IGFN1: variants seen among roughly 807,000 people sequenced by gnomAD.
IGFN1 encodes immunoglobulin like and fibronectin type III domain containing 1, also known as immunoglobulin-like and fibronectin type III domain-containing protein 1.
In IGFN1, 253 loss-of-function variants were observed where a neutral mutation model predicts 289.5. The observed-to-expected ratio is 0.87, with a 90% CI of 0.79 to 0.97. The LOEUF is 0.97. Ranked by LOEUF, IGFN1 falls within the 50% of genes least tolerant of loss-of-function variation. The probability of loss-of-function intolerance (pLI) is 0.00; values close to 1 mark genes in which losing one functional copy is unlikely to be tolerated. For missense variants in IGFN1, 4,470 were observed against 4,686.1 expected, an observed-to-expected ratio of 0.95 and a Z score of 1.35; for synonymous variants, 1,706 against 1,788.5, an observed-to-expected ratio of 0.95 and a Z score of 1.16.
rs915656906 is a variant in IGFN1, at chr1:201,206,071, C to T, written c.1190-12C>T. 9.3e-6 allele frequency: 14 copies of T among 1,510,284 alleles called. No homozygotes were observed. Among genetic ancestry groups the T allele is most frequent in the Non-Finnish European group, 1.3e-5 (14 of 1,111,674 alleles). 93.6% of individuals were successfully genotyped at this position (1,510,284 alleles called of 1,614,324 possible). On this transcript the variant is annotated splice_polypyrimidine_tract_variant and intron_variant, in intron 11 of 23. Transcript: ENST00000335211. ...GGCACTGACCTTCCATATGAATAAC[C>T]CCTCACTGAAGCTGGGAAGGATAAA...
chr1:201,207,343 A>C lies in IGFN1; in HGVS notation c.2450A>C (p.Gln817Pro). Reference protein sequence around the residue: ...EYDPRSFQSSQGWTAGHRAAG... With the variant: ...EYDPRSFQSSPGWTAGHRAAG... ...GACCCCAGAAGCTTCCAGTCTTCCC[A>C]GGGCTGGACAGCAGGTCACAGAGCA... Residue 817 changes from glutamine to proline, a missense_variant, in exon 12 of 24, where the codon CAG becomes CCG. Around this residue, in one of 8 missense-constraint regions of IGFN1, gnomAD observed 2,011 missense variants for 1,953.4 expected, o/e 1.03. Transcript: ENST00000335211. 6.5e-7 allele frequency: 1 copy of C among 1,536,956 alleles called. No homozygotes were observed. Among genetic ancestry groups the C allele is most frequent in the African/African-American group, 1.4e-5 (1 of 73,152 alleles).
At chr1:201,194,959 G>A (rs912771291) in intron 3 of IGFN1, among the ~76,000 whole-genome samples, 3 of 152,174 alleles carry the variant, frequency 2.0e-5, no homozygotes, top group Non-Finnish European at 2.9e-5. Context: ...GTTCCTGGTG[G>A]GAGGCTGAGG....
chr1:201,200,143 C>T, intron 7 of IGFN1, 94 bp from the exon 8 acceptor site: 7 of 986,124 alleles, frequency 7.1e-6, no homozygotes, highest in Non-Finnish European at 1.0e-5. Flanking sequence ...GCAGATAGAG[C>T]AGCTTCCCAG....
At chr1:201,225,097 C>G (rs1349110829) in intron 21 of IGFN1, among the ~76,000 whole-genome samples, 1 of 152,252 alleles carries the variant, frequency 6.6e-6, no homozygotes, top group South Asian at 2.1e-4. Context: ...AGCCTAGAGA[C>G]AGTCATGTCA....
chr1:201,226,212 G>A, intron 22 of IGFN1, 89 bp downstream of exon 22: 1 of 1,362,150 alleles, frequency 7.3e-7, no homozygotes, highest in South Asian at 1.5e-5. Flanking sequence ...CAAGCGCGCA[G>A]GATAGGGACT....
chr1:201,215,732 G>A lies in IGFN1; in HGVS notation c.9189G>A (p.Thr3063=), dbSNP rs571379335. The A allele has an allele frequency of 3.5e-5, 57 of 1,611,790 alleles. No homozygotes were observed. The highest frequency in any genetic ancestry group is 5.5e-5 in the South Asian group (5 of 90,720). ...AGGTGGACCTGGGGGATGGCTACAC[G>A]CGGCTGTGCCTCCCCAGCGCAGGCA... ...EAQVDLGDGY[T]RLCLPSAGRK... Residue 3063 remains threonine, a synonymous_variant, in exon 15 of 24, where the codon ACG becomes ACA. Transcript: ENST00000335211.
chr1:201,206,209 G>T lies in IGFN1; in HGVS notation c.1316G>T (p.Gly439Val), dbSNP rs779278089. The T allele has an allele frequency of 1.7e-4, 268 of 1,548,600 alleles. No homozygotes were observed. The highest frequency in any genetic ancestry group is 2.3e-4 in the Non-Finnish European group (260 of 1,146,324). ...ESQGEKSREQGPRGGSLEGAG... is the reference protein window; with the variant it reads ...ESQGEKSREQVPRGGSLEGAG... ...CAGGGAGAGAAATCCAGAGAGCAGG[G>T]CCCCAGGGGGGGCTCCCTTGAAGGG... is the stretch of plus-strand genomic sequence containing the variant. The change falls in exon 12 of 24, where the codon GGC (glycine) becomes GTC (valine). Residue 439 changes from glycine (G) to valine (V), a missense_variant. Coordinates refer to ENST00000335211, the MANE Select transcript of IGFN1 (RefSeq NM_001164586.2).
At chr1:201,217,569 G>A (rs758295586) in intron 17 of IGFN1, 109 bp downstream of exon 17, 1 of 1,090,044 alleles carries the variant, frequency 9.2e-7, no homozygotes, top group South Asian at 1.5e-5. Flanking sequence ...GTCTAGGGTG[G>A]TTTGGCAACG....
rs766965754 is a variant in IGFN1, at chr1:201,216,461, T to G, written c.9303T>G (p.Pro3101=). 45 of 1,565,024 alleles carry G rather than the reference T, an allele frequency of 2.9e-5. No homozygotes were observed. In the Admixed American group the frequency reaches 5.1e-4, roughly 18 times the overall value. ...AELTLQVIDK[P]DPPQGPMEVQ... ...CTCTCTGTGGGTCCCCAGACAAGCCTGATCCCCCACAAGGCCCCATGGAGG... is the reference window on the plus strand; with the variant it reads ...CTCTCTGTGGGTCCCCAGACAAGCCGGATCCCCCACAAGGCCCCATGGAGG... Residue 3101 remains proline, a synonymous_variant, in exon 16 of 24, where the codon CCT becomes CCG. Coordinates refer to ENST00000335211, the MANE Select transcript of IGFN1 (RefSeq NM_001164586.2).
In IGFN1 at chr1:201,215,497, C is replaced by T. The variant is rs757132124; in HGVS notation, c.8996-42C>T. 3.3e-5 allele frequency: 50 copies of T among 1,497,150 alleles called. No individual in the cohort carries two copies. The African/African-American group carries it at 6.2e-4, about 18-fold the overall frequency. 92.7% of individuals were successfully genotyped at this position (1,497,150 alleles called of 1,614,324 possible). On this transcript the variant is annotated intron_variant, in intron 14 of 23. Coordinates refer to ENST00000335211, the MANE Select transcript of IGFN1 (RefSeq NM_001164586.2). ...CCTCCTTTCTATATTCCCCAGGTGC[C>T]CAGTGCCCTGGTCTTCCTTGACTCT...
At position 201,198,211 on chromosome 1, in the gene IGFN1, C is replaced by T. The variant is rs12404045; in HGVS notation, c.367+894C>T. On this transcript the variant is annotated intron_variant, in intron 5 of 23. Coordinates refer to ENST00000335211, the MANE Select transcript of IGFN1 (RefSeq NM_001164586.2). ...AGTACAGTGGCACAATCTCACCTCA[C>T]TGCAACATCTGCCTCCCGGGTTCAA... Among the ~76,000 whole-genome samples, 668 of 152,350 alleles carry T rather than the reference C, an allele frequency of 4.4e-3. 4 individuals carry two copies. The highest frequency in any genetic ancestry group is 8.0e-3 in the Admixed American group (122 of 15,306).
In IGFN1 at chr1:201,193,374, T is replaced by C; in HGVS notation, c.7+74T>C. ...ACCAGGACAGAGAGGAGAGAAGTGG[T>C]AGGGATCAGAGATTTCTGGGAACTT... On this transcript the variant is annotated intron_variant, in intron 2 of 23. Transcript: ENST00000335211. 1.8e-6 allele frequency: 2 copies of C among 1,100,796 alleles called. 1 individual carries two copies. Among genetic ancestry groups the C allele is most frequent in the South Asian group, 2.8e-5 (2 of 72,354 alleles). The allele number at this position is 1,100,796 out of a possible 1,614,324, so 68.2% of individuals were successfully genotyped here.
intron 7 of IGFN1, among the ~76,000 whole-genome samples, 173 bp downstream of exon 7, chr1:201,199,827 C>T (rs1667071365): frequency 6.6e-6 from 1 of 152,168 alleles, no homozygotes; most frequent in Admixed American, 6.5e-5. Flanking sequence ...GGGAATGGGA[C>T]AGAGCTCCAG....
rs1666968713 is a variant in IGFN1, at chr1:201,197,452, C to T, written c.367+135C>T. Reference sequence around the variant, plus strand: ...CCAGGCTGCTGCCGCTGCTGCAGCCCCACCTTGTGCTGGGCCCCGGGCTTC... The same window carrying T: ...CCAGGCTGCTGCCGCTGCTGCAGCCTCACCTTGTGCTGGGCCCCGGGCTTC... On this transcript the variant is annotated intron_variant, in intron 5 of 23. Coordinates refer to ENST00000335211, the MANE Select transcript of IGFN1 (RefSeq NM_001164586.2). The T allele has an allele frequency of 9.3e-6, 6 of 644,364 alleles. No individual in the cohort carries two copies. In the East Asian group the frequency reaches 1.4e-4, roughly 15 times the overall value. The allele number at this position is 644,364 out of a possible 1,614,324, so 39.9% of individuals were successfully genotyped here. A position where few individuals can be genotyped will look rare whatever the true frequency, so the allele number is the denominator to read the frequency against.
rs1371307958 is a variant in IGFN1, at chr1:201,209,098, T to TG, written c.4209dup (p.Ser1404ValfsTer4). The TG allele has an allele frequency of 7.8e-6, 12 of 1,531,240 alleles. No homozygotes were observed. In the Admixed American group the frequency reaches 7.9e-5, roughly 10 times the overall value. 94.9% of individuals were successfully genotyped at this position (1,531,240 alleles called of 1,614,324 possible). A position where few individuals can be genotyped will look rare whatever the true frequency, so the allele number is the denominator to read the frequency against. ...GCTGGTTTAAGGGGTCCTGGGGAGA[T>TG]GGGGTCACTGGATGAGTCAGGTCAT... On this transcript the variant is annotated frameshift_variant, in exon 12 of 24. Coordinates refer to ENST00000335211, the MANE Select transcript of IGFN1 (RefSeq NM_001164586.2). LOFTEE classifies it high-confidence loss of function.
chr1:201,201,822 A>G lies in IGFN1; in HGVS notation c.737A>G (p.Tyr246Cys), dbSNP rs1360324714. 1 of 1,343,902 alleles carries G rather than the reference A, an allele frequency of 7.4e-7. No homozygotes were observed. Among genetic ancestry groups the G allele is most frequent in the Non-Finnish European group, 1.0e-6 (1 of 968,426 alleles). The allele number at this position is 1,343,902 out of a possible 1,614,324, so 83.2% of individuals were successfully genotyped here. Residue 246 changes from tyrosine to cysteine, a missense_variant, in exon 9 of 24, where the codon TAC becomes TGC. Physicochemically the swap from Tyr to Cys is radical, Grantham distance 194. Around this residue, in one of 8 missense-constraint regions of IGFN1, gnomAD observed 2,011 missense variants for 1,953.4 expected, o/e 1.03. Coordinates refer to ENST00000335211, the MANE Select transcript of IGFN1 (RefSeq NM_001164586.2). ...LDLKDSQSKI[Y>C]LYKDGEMIPY... ...CTCAAGGATTCTCAGAGCAAGATTT[A>G]CCTGTATAAGGTGAGGCTGGAGGGG...
At chr1:201,205,516 C>A (rs1029131730) in intron 11 of IGFN1, among the ~76,000 whole-genome samples, 162 bp downstream of exon 11, 1 of 152,198 alleles carries the variant, frequency 6.6e-6, no homozygotes, top group Non-Finnish European at 1.5e-5. Context: ...TCATGGCCAA[C>A]CCAACCCTTC....
intron 13 of IGFN1, among the ~76,000 whole-genome samples, chr1:201,214,757 T>C (rs1423089383): frequency 6.6e-6 from 1 of 152,182 alleles, no homozygotes; most frequent in Non-Finnish European, 1.5e-5. Flanking sequence ...CACTACCAGT[T>C]ATAAGACTTC....
intron 9 of IGFN1, 141 bp downstream of exon 9, chr1:201,201,973 C>T (rs1239931930): frequency 9.8e-6 from 6 of 614,816 alleles, no homozygotes; most frequent in African/African-American, 7.3e-5. Context: ...CCATGGAGTT[C>T]CTGGCTGGAC....
Sources: gnomAD v4.1 joint callset for allele counts (sites outside exome capture counted in the v4.1 genomes callset) on GRCh38, gnomAD v4.1.1 for gene constraint, gnomAD v4.1.1 regional missense constraint, MANE v1.5 for transcripts, NCBI Gene and HGNC (gene_info 2026-07-23, HGNC 2026-07-21) for gene names.